Variants in CHM observed in about 807,000 individuals in gnomAD.
CHM encodes the protein rab proteins geranylgeranyltransferase component A 1.
In CHM, 10 loss-of-function variants were observed where a neutral mutation model predicts 49.0. The observed-to-expected ratio is 0.20, with a 90% confidence interval of 0.13 to 0.35. The LOEUF (loss-of-function observed/expected upper bound fraction) is 0.35. Among genes scored for constraint, CHM ranks in the 10% least tolerant of loss-of-function variants. CHM has a pLI of 1.00. For missense variants in CHM, 455 were observed against 478.4 expected, an observed-to-expected ratio of 0.95 and a Z score of 0.46; for synonymous variants, 184 against 167.5, an observed-to-expected ratio of 1.10 and a Z score of -0.76.
At chrX:86,021,126 G>A (rs1355472578) in intron 2 of CHM, among the ~76,000 whole-genome samples, 506 of 55,836 alleles carry the variant, frequency 9.1e-3, no homozygotes, top group Non-Finnish European at 0.013. Context: ...GTGTATATAC[G>A]TATATATATA....
intron 8 of CHM, among the ~76,000 whole-genome samples, chrX:85,949,300 T>C (rs1186719932): frequency 4.5e-5 from 5 of 112,257 alleles, no homozygotes; most frequent in Non-Finnish European, 5.6e-5. Flanking sequence ...AAATGCATTT[T>C]TTAATGTATG....
chrX:86,021,446 C>G (rs1933601399), intron 2 of CHM, among the ~76,000 whole-genome samples: 1 of 109,339 alleles, frequency 9.1e-6, no homozygotes, highest in Admixed American at 9.9e-5. Context: ...AACTAAGGTA[C>G]AGAAAGATTA....
chrX:85,869,689 A>G (rs1057273064), intron 14 of CHM, among the ~76,000 whole-genome samples: 16 of 112,062 alleles, frequency 1.4e-4, no homozygotes, highest in Non-Finnish European at 2.8e-4. Flanking sequence ...CATGCTCTGG[A>G]AAGTGTATCT....
chrX:86,023,399 G>A (rs1216943204), intron 2 of CHM, among the ~76,000 whole-genome samples: 1 of 110,481 alleles, frequency 9.1e-6, no homozygotes, highest in East Asian at 2.8e-4. Context: ...GTTACTCCCA[G>A]CTCCAACCCC....
At chrX:85,902,489 C>T (rs1203997294) in intron 9 of CHM, among the ~76,000 whole-genome samples, 1 of 111,298 alleles carries the variant, frequency 9.0e-6, no homozygotes, top group African/African-American at 3.3e-5. Context: ...AACCAATTAA[C>T]CACCTTTTAA....
chrX:85,862,506 G>A lies in CHM; in HGVS notation c.*2124C>T, dbSNP rs897472579. 7.1e-5 allele frequency: 8 copies of A among 111,932 alleles called. No individual in the cohort carries two copies. Among genetic ancestry groups the A allele is most frequent in the African/African-American group, 2.6e-4 (8 of 30,688 alleles). The allele number at this position is 111,932 out of a possible 1,213,427, so 9.2% of individuals were successfully genotyped here. A position where few individuals can be genotyped will look rare whatever the true frequency, so the allele number is the denominator to read the frequency against. ...CATTGAGTGCATATGCCCCAGCTGG[G>A]TTTCAGGAAACATGATTTGATATAA... On this transcript the variant is annotated 3_prime_UTR_variant, in exon 15 of 15. Transcript: ENST00000357749.
At chrX:85,971,552 C>A (rs1268332842) in intron 4 of CHM, 5 of 286,131 alleles carry the variant, frequency 1.7e-5, no homozygotes, top group Non-Finnish European at 2.7e-5. Context: ...CAGATCTTCG[C>A]GGTGAGTGTT....
intron 12 of CHM, among the ~76,000 whole-genome samples, chrX:85,890,358 G>A (rs933853887): frequency 4.5e-5 from 5 of 112,010 alleles, no homozygotes; most frequent in African/African-American, 1.6e-4. Context: ...TCATGGTGAA[G>A]ATTTTCCTGT....
At chrX:85,943,512 T>C (rs1317635376) in intron 8 of CHM, among the ~76,000 whole-genome samples, 1 of 111,957 alleles carries the variant, frequency 8.9e-6, no homozygotes, top group Non-Finnish European at 1.9e-5. Flanking sequence ...TTATCTAAAC[T>C]GGCATTTTGT....
chrX:85,938,934 GAAT>G (rs768214889), intron 8 of CHM, among the ~76,000 whole-genome samples: 42 of 111,581 alleles, frequency 3.8e-4, no homozygotes, highest in African/African-American at 8.1e-4. Context: ...ATATTTCAGA[GAAT>G]AATGGACCAC....
chrX:85,978,663 G>T, intron 4 of CHM, 104 bp downstream of exon 4: 1 of 842,563 alleles, frequency 1.2e-6, no homozygotes, highest in Non-Finnish European at 1.7e-6. Context: ...ATATTAACGT[G>T]ACTTGTAGCA....
chrX:85,888,690 C>CA (rs1925253448), intron 12 of CHM, among the ~76,000 whole-genome samples: 1 of 111,075 alleles, frequency 9.0e-6, no homozygotes, highest in African/African-American at 3.3e-5. Context: ...CTGGAAACAC[C>CA]AATGGTCTCA....
intron 10 of CHM, among the ~76,000 whole-genome samples, 169 bp from the exon 11 acceptor site, chrX:85,900,878 A>C (rs1369968817): frequency 8.9e-6 from 1 of 112,069 alleles, no homozygotes; most frequent in Non-Finnish European, 1.9e-5. Flanking sequence ...TCATGAAAGA[A>C]GAATGCCTGA....
intron 2 of CHM, among the ~76,000 whole-genome samples, chrX:86,002,167 T>C (rs1932754193): frequency 8.9e-6 from 1 of 112,040 alleles, no homozygotes; most frequent in East Asian, 2.8e-4. Context: ...CAAAAGTCTA[T>C]CCACTCTCTA....
intron 8 of CHM, among the ~76,000 whole-genome samples, chrX:85,934,423 C>G (rs1928650429): frequency 1.6e-5 from 1 of 62,881 alleles, no homozygotes; most frequent in Non-Finnish European, 2.8e-5. Flanking sequence ...TATCCCTCCC[C>G]CCTCCCCCCA....
intron 14 of CHM, among the ~76,000 whole-genome samples, chrX:85,871,320 A>AAAAAAAAAAAAAAAAAAAAAG (rs1487188345): frequency 1.1e-4 from 11 of 102,991 alleles, no homozygotes; most frequent in African/African-American, 3.8e-4. Flanking sequence ...AAAAAAAAAA[A>AAAAAAAAAAAAAAAAAAAAAG]AAGAAGAAAT....
chrX:85,981,230 ATTTTT>A (rs751688963), intron 3 of CHM, among the ~76,000 whole-genome samples: 1 of 44,938 alleles, frequency 2.2e-5, no homozygotes. Flanking sequence ...AGACACACAT[ATTTTT>A]TTTTTTTTTT....
At chrX:86,002,183 T>C (rs1448579217) in intron 2 of CHM, among the ~76,000 whole-genome samples, 1 of 112,033 alleles carries the variant, frequency 8.9e-6, no homozygotes, top group Admixed American at 9.5e-5. Flanking sequence ...CTCTATCTCC[T>C]CTCTGAAAGC....
Position 85,864,320 on chromosome X carries a change from T to A in CHM, c.*310A>T, listed in dbSNP as rs917570037. On this transcript the variant is annotated 3_prime_UTR_variant, in exon 15 of 15. Coordinates refer to ENST00000357749, the MANE Select transcript of CHM (RefSeq NM_000390.4). The stretch of plus-strand genomic sequence containing the variant: ...GGTAAGCAAAATTGTCCTAAGACCA[T>A]GGAATTATTAACAATGCATAGGATC... The A allele has an allele frequency of 3.8e-6, 1 of 264,094 alleles. No individual in the cohort carries two copies. Among genetic ancestry groups the A allele is most frequent in the African/African-American group, 2.8e-5 (1 of 36,362 alleles). 21.8% of individuals were successfully genotyped at this position (264,094 alleles called of 1,213,427 possible).
Sources: allele counts gnomAD v4.1 joint callset (sites outside exome capture counted in the v4.1 genomes callset), GRCh38; gene constraint gnomAD v4.1.1; transcripts MANE v1.5; gene names NCBI Gene and HGNC (gene_info 2026-07-23, HGNC 2026-07-21).